TMOD1: variants seen among roughly 807,000 people sequenced by gnomAD.
TMOD1 encodes the protein tropomodulin-1.
TMOD1 carries 17 observed loss-of-function variants against 40.6 expected under a neutral mutation model. That is an observed-to-expected ratio of 0.42 (90% CI 0.29 to 0.63). The LOEUF (loss-of-function observed/expected upper bound fraction) is 0.63, where lower values mean the gene tolerates loss of function less well. TMOD1 is among the 20% of genes least tolerant of loss of function. The pLI is 0.22. For synonymous variants in TMOD1, 181 were observed against 175.0 expected, an observed-to-expected ratio of 1.03 and a Z score of -0.27; for missense variants, 391 against 447.6, an observed-to-expected ratio of 0.87 and a Z score of 1.14.
At position 97,589,133 on chromosome 9, in the gene TMOD1, A is replaced by AAAG. The variant is rs1347219413; in HGVS notation, c.871-2149_871-2147dup. Among the ~76,000 whole-genome samples the AAAG allele has an allele frequency of 8.4e-4, 125 of 148,404 alleles. 2 individuals are homozygous for AAAG. The highest frequency in any genetic ancestry group is 3.5e-3 in the Middle Eastern group (1 of 286). On this transcript the variant is annotated intron_variant, in intron 8 of 9. Transcript: ENST00000259365. ...ACTCTGTCTCAAAAAAAAAAAAAAA[A>AAAG]AAGAAGAAGAATTAATATTTTTTAT...
rs747910437 is a variant in TMOD1, at chr9:97,601,624, A to G, written c.*1926A>G. 3.0e-6 allele frequency: 3 copies of G among 986,270 alleles called. No individual in the cohort carries two copies. The highest frequency in any genetic ancestry group is 1.2e-4 in the Admixed American group (2 of 16,488). 61.1% of individuals were successfully genotyped at this position (986,270 alleles called of 1,614,324 possible). On this transcript the variant is annotated 3_prime_UTR_variant, in exon 10 of 10. Transcript: ENST00000259365. The stretch of plus-strand genomic sequence containing the variant: ...CAAACTTTTCTGTAAAAGGCCAGAC[A>G]GTAAAAATTTCCGATTTTGCAGGCC...
At chr9:97,562,640 T>G in intron 4 of TMOD1, 92 bp from the exon 5 acceptor site, 12 of 860,286 alleles carry the variant, frequency 1.4e-5, no homozygotes, top group South Asian at 2.1e-5. Context: ...GCCATTTCTG[T>G]GAGCCAGAGT....
At chr9:97,579,876 G>C (rs1164770947) in intron 8 of TMOD1, among the ~76,000 whole-genome samples, 1 of 152,160 alleles carries the variant, frequency 6.6e-6, no homozygotes, top group East Asian at 1.9e-4. Context: ...CTCTTGGGGA[G>C]GGGGAATTTG....
intron 2 of TMOD1, among the ~76,000 whole-genome samples, chr9:97,542,331 C>T (rs2131242367): frequency 6.6e-6 from 1 of 152,238 alleles, no homozygotes; most frequent in African/African-American, 2.4e-5. Context: ...TCAATATTTA[C>T]TTTAAAAATG....
intron 1 of TMOD1, among the ~76,000 whole-genome samples, chr9:97,514,626 C>T (rs191431291): frequency 3.9e-5 from 6 of 152,280 alleles, no homozygotes; most frequent in Admixed American, 2.0e-4. Flanking sequence ...TGCTGGGCTG[C>T]CAGTGAGGCC....
At chr9:97,529,174 G>A (rs530102411) in intron 2 of TMOD1, among the ~76,000 whole-genome samples, 30 of 152,340 alleles carry the variant, frequency 2.0e-4, no homozygotes, top group Middle Eastern at 3.4e-3. Flanking sequence ...GTTGGGGGTC[G>A]CTGTAGGAAA....
chr9:97,507,371 G>T (rs73549006), intron 1 of TMOD1, among the ~76,000 whole-genome samples: 2 of 152,152 alleles, frequency 1.3e-5, no homozygotes, highest in South Asian at 2.1e-4. Context: ...AACATTGCAC[G>T]CATTTGCTTA....
intron 2 of TMOD1, among the ~76,000 whole-genome samples, chr9:97,527,016 C>CA (rs1438532594): frequency 2.0e-4 from 30 of 152,132 alleles, no homozygotes; most frequent in Admixed American, 2.0e-3. Flanking sequence ...CCCTGCCTGC[C>CA]AGGAGAAGAT....
chr9:97,508,769 C>T (rs528883099), intron 1 of TMOD1, among the ~76,000 whole-genome samples: 29 of 152,224 alleles, frequency 1.9e-4, no homozygotes, highest in Non-Finnish European at 3.5e-4. Context: ...GCCCACCTAG[C>T]ACCCCAGAAT....
chr9:97,533,541 G>A (rs148285055), intron 2 of TMOD1, among the ~76,000 whole-genome samples: 21 of 152,366 alleles, frequency 1.4e-4, no homozygotes, highest in African/African-American at 5.1e-4. Context: ...ACAACCAGAT[G>A]TGACTGCCCT....
chr9:97,571,211 C>T (rs1160339343), intron 8 of TMOD1, among the ~76,000 whole-genome samples: 5 of 152,216 alleles, frequency 3.3e-5, no homozygotes, highest in African/African-American at 1.2e-4. Flanking sequence ...ACTTAACTCC[C>T]AGGGCAGAAT....
At chr9:97,533,769 G>A (rs1236322613) in intron 2 of TMOD1, among the ~76,000 whole-genome samples, 1 of 152,224 alleles carries the variant, frequency 6.6e-6, no homozygotes, top group African/African-American at 2.4e-5. Flanking sequence ...CACAGCCCTG[G>A]GCTGAGAACC....
At chr9:97,534,251 G>T (rs1830145925) in intron 2 of TMOD1, among the ~76,000 whole-genome samples, 1 of 152,192 alleles carries the variant, frequency 6.6e-6, no homozygotes, top group Non-Finnish European at 1.5e-5. Flanking sequence ...AGAAGGGGAA[G>T]CTTGAATCGG....
At chr9:97,556,256 C>T (rs2131258087) in intron 4 of TMOD1, among the ~76,000 whole-genome samples, 1 of 152,246 alleles carries the variant, frequency 6.6e-6, no homozygotes, top group East Asian at 1.9e-4. Context: ...TGAGATGGTA[C>T]CAGTCTTTCT....
At chr9:97,597,061 A>T (rs750467090) in intron 9 of TMOD1, among the ~76,000 whole-genome samples, 2 of 152,290 alleles carry the variant, frequency 1.3e-5, no homozygotes, top group Non-Finnish European at 2.9e-5. Context: ...TTCCAAAAAC[A>T]TGATGGAAAT....
At chr9:97,559,811 A>G (rs74863512) in intron 4 of TMOD1, among the ~76,000 whole-genome samples, 1 of 42,168 alleles carries the variant, frequency 2.4e-5, no homozygotes, top group African/African-American at 9.1e-5. Flanking sequence ...ATATATATAT[A>G]TATATATATA....
chr9:97,553,711 C>T (rs1212376759), intron 4 of TMOD1, among the ~76,000 whole-genome samples: 2 of 152,116 alleles, frequency 1.3e-5, no homozygotes, highest in East Asian at 3.9e-4. Context: ...TGAATCCTGC[C>T]CAAACCATTT....
chr9:97,555,712 G>A, intron 4 of TMOD1: 1 of 1,542,842 alleles, frequency 6.5e-7, no homozygotes. Context: ...CAGGTTCTAT[G>A]TGAGTTGCTC....
intron 2 of TMOD1, among the ~76,000 whole-genome samples, chr9:97,545,246 T>A (rs10982647): frequency 0.2 from 30,584 of 152,222 alleles, 3,532 homozygotes; most frequent in Middle Eastern, 0.29. Context: ...TGGGCAAATC[T>A]TTCCTTGCTC....
Sources: gnomAD v4.1 joint callset for allele counts (sites outside exome capture counted in the v4.1 genomes callset) on GRCh38, gnomAD v4.1.1 for gene constraint, MANE v1.5 for transcripts, NCBI Gene and HGNC (gene_info 2026-07-23, HGNC 2026-07-21) for gene names.